The following MYLK3 variants were observed in gnomAD, a reference collection of about 807,000 sequenced individuals.
MYLK3 encodes the protein myosin light chain kinase 3.
In MYLK3, 55 loss-of-function variants were observed where a neutral mutation model predicts 76.3. The observed-to-expected ratio is 0.72, with a 90% confidence interval of 0.58 to 0.90. The LOEUF (loss-of-function observed/expected upper bound fraction) is 0.90, where lower values mean the gene tolerates loss of function less well. MYLK3 is among the 40% of genes least tolerant of loss of function. The pLI is 0.00. For missense variants in MYLK3, 973 were observed against 1,053.6 expected (o/e 0.92, Z 1.06); for synonymous variants, 416 against 425.4 (o/e 0.98, Z 0.27).
chr16:46,747,823 G>T lies in MYLK3; in HGVS notation c.371C>A (p.Ala124Asp), dbSNP rs1967055456. 6.2e-7 allele frequency: 1 copy of T among 1,614,082 alleles called. No homozygotes were observed. Among genetic ancestry groups the T allele is most frequent in the Non-Finnish European group, 8.5e-7 (1 of 1,180,048 alleles). The part of the protein sequence containing the change: ...LFRMVAAVDR[A>D]IALVGATFQK... Reference sequence around the variant, plus strand: ...GAACGTGGCCCCCACCAAAGCGATGGCCCTGTCCACCGCAGCCACCATCCT... The same window carrying T: ...GAACGTGGCCCCCACCAAAGCGATGTCCCTGTCCACCGCAGCCACCATCCT... The change falls in exon 1 of 13, where the codon GCC becomes GAC. Residue 124 changes from alanine to aspartate, a missense_variant. By Grantham distance (126) the Ala-to-Asp change is moderately radical (BLOSUM62 -2). Transcript: ENST00000394809.
At chr16:46,747,140 G>C (rs1204269023) in intron 1 of MYLK3, among the ~76,000 whole-genome samples, 1 of 152,168 alleles carries the variant, frequency 6.6e-6, no homozygotes, top group African/African-American at 2.4e-5. Flanking sequence ...CTGCAGGATT[G>C]ATTATGCAAC....
upstream of MYLK3, among the ~76,000 whole-genome samples, chr16:46,749,699 C>A (rs1284361944): frequency 1.3e-5 from 2 of 152,216 alleles, no homozygotes; most frequent in African/African-American, 2.4e-5. Flanking sequence ...CCTGCCACTA[C>A]ACTCCAGCCT....
intron 3 of MYLK3, among the ~76,000 whole-genome samples, chr16:46,735,422 T>C (rs546214810): frequency 6.6e-6 from 1 of 152,216 alleles, no homozygotes; most frequent in South Asian, 2.1e-4. Context: ...GCCAGGCTGG[T>C]CTTGAACTCT....
chr16:46,727,173 G>A, intron 8 of MYLK3, 63 bp downstream of exon 8: 3 of 1,553,448 alleles, frequency 1.9e-6, no homozygotes, highest in Non-Finnish European at 2.6e-6. Context: ...GCTCTCAATG[G>A]TGAGAGCACG....
At position 46,740,163 on chromosome 16, in the gene MYLK3, T is replaced by C. The variant is rs779512024; in HGVS notation, c.478-16A>G. On this transcript the variant is annotated splice_polypyrimidine_tract_variant and intron_variant, in intron 1 of 12. Coordinates refer to ENST00000394809, the MANE Select transcript of MYLK3 (RefSeq NM_182493.3). ...GCTCTTTATTCTAAAATAACAACCA[T>C]AAAAAATGTCATCATTATCATCAAC... 6.2e-6 allele frequency: 10 copies of C among 1,605,734 alleles called. No individual in the cohort carries two copies. In the African/African-American group the frequency reaches 1.2e-4, roughly 19 times the overall value.
intron 1 of MYLK3, among the ~76,000 whole-genome samples, chr16:46,745,921 G>C (rs1179150220): frequency 6.6e-6 from 1 of 152,144 alleles, no homozygotes; most frequent in Non-Finnish European, 1.5e-5. Context: ...TAGGGGGCCA[G>C]GGTATTGGTG....
chr16:46,738,266 C>G (rs971678142), intron 2 of MYLK3, 123 bp from the exon 3 acceptor site: 1 of 874,596 alleles, frequency 1.1e-6, no homozygotes, highest in Non-Finnish European at 1.7e-6. Flanking sequence ...AGACTGGAAG[C>G]AACCCAAATG....
rs764891090 is a variant in MYLK3 at position 46,748,021 on chromosome 16, C to T, written c.173G>A (p.Gly58Asp). The stretch of plus-strand genomic sequence containing the variant: ...CCTGTGCAGGCCCCGCTCCAGGTGG[C>T]CCATGTCTCGGCACATGCTCTGCAA... ...EKLQSMCRDM[G>D]HLERGLHRLE... is the part of the protein sequence containing the mutation. The change falls in exon 1 of 13, where the codon GGC (glycine) becomes GAC (aspartate). Residue 58 changes from glycine (G) to aspartate (D), a missense_variant. Around this residue, in one of 2 missense-constraint regions of MYLK3, gnomAD observed 641 missense variants for 637.0 expected, o/e 1.01. Transcript: ENST00000394809. The surrounding 1 kb of genome is among the most constrained non-coding windows in gnomAD (Gnocchi z 4.3). The T allele has an allele frequency of 4.3e-6, 7 of 1,613,828 alleles. No homozygotes were observed.
At chr16:46,730,414 T>TC (rs966608650) in intron 5 of MYLK3, among the ~76,000 whole-genome samples, 179 bp downstream of exon 5, 1 of 151,988 alleles carries the variant, frequency 6.6e-6, no homozygotes, top group Non-Finnish European at 1.5e-5. Flanking sequence ...CTATTCTCTT[T>TC]CCCCTACTCT....
intron 7 of MYLK3, among the ~76,000 whole-genome samples, chr16:46,728,695 T>G (rs1567285512): frequency 6.6e-6 from 1 of 152,230 alleles, no homozygotes; most frequent in Non-Finnish European, 1.5e-5. Flanking sequence ...CACTCCAGCC[T>G]GGGTGACAGA....
chr16:46,718,870 G>A (rs1966771504), intron 9 of MYLK3, among the ~76,000 whole-genome samples: 2 of 152,180 alleles, frequency 1.3e-5, no homozygotes, highest in South Asian at 4.1e-4. Context: ...GGAGGCTGAG[G>A]CAGGAAAATT....
In MYLK3 at chr16:46,706,835, CA is replaced by C. The variant is rs1249227445; in HGVS notation, c.*868del. ...AGTTGACTGCAATTCAAACCCTGTT[CA>C]AGGGTCAACTGTACATGTATATAGA... On this transcript the variant is annotated 3_prime_UTR_variant, in exon 13 of 13. Coordinates refer to ENST00000394809, the MANE Select transcript of MYLK3 (RefSeq NM_182493.3). The C allele has an allele frequency of 4.3e-4, 65 of 152,144 alleles. No homozygotes were observed. Among genetic ancestry groups the C allele is most frequent in the Non-Finnish European group, 7.3e-5 (5 of 68,042 alleles). 9.4% of individuals were successfully genotyped at this position (152,144 alleles called of 1,614,324 possible). A position where few individuals can be genotyped will look rare whatever the true frequency, so the allele number is the denominator to read the frequency against.
chr16:46,732,659 G>T lies in MYLK3; in HGVS notation c.1011C>A (p.Ile337=). Residue 337 remains isoleucine, a synonymous_variant, in exon 4 of 13, where the codon ATC becomes ATA. Transcript: ENST00000394809. The part of the protein sequence containing the change: ...SGGETPPRIS[I]HIQEMDTPGE... ...CAGGAGTATCCATCTCTTGTATGTG[G>T]ATGGAGATCCTGGGGTGGAGAGAAA... The T allele has an allele frequency of 6.6e-7, 1 of 1,515,964 alleles. No homozygotes were observed. The highest frequency in any genetic ancestry group is 1.4e-5 in the African/African-American group (1 of 72,486). 93.9% of individuals were successfully genotyped at this position (1,515,964 alleles called of 1,614,324 possible). A position where few individuals can be genotyped will look rare whatever the true frequency, so the allele number is the denominator to read the frequency against.
At position 46,709,685 on chromosome 16, in the gene MYLK3, G is replaced by A; in HGVS notation, c.2268-14C>T. 6.2e-7 allele frequency: 1 copy of A among 1,608,232 alleles called. No individual in the cohort carries two copies. Among genetic ancestry groups the A allele is most frequent in the Non-Finnish European group, 8.5e-7 (1 of 1,178,532 alleles). ...CTCATTCTGCAGCTGTGAAATCAAA[G>A]AGCAGTTAAGACTTTTAGTTGGAGT... On this transcript the variant is annotated splice_polypyrimidine_tract_variant and intron_variant, in intron 11 of 12. Transcript: ENST00000394809.
intron 3 of MYLK3, among the ~76,000 whole-genome samples, chr16:46,735,063 C>T (rs1232358625): frequency 6.6e-6 from 1 of 151,820 alleles, no homozygotes; most frequent in East Asian, 1.9e-4. Context: ...CTCACTTGAG[C>T]CCGAGAAGTG....
intron 9 of MYLK3, among the ~76,000 whole-genome samples, chr16:46,715,035 T>A (rs1251575332): frequency 3.9e-5 from 6 of 152,154 alleles, no homozygotes; most frequent in Non-Finnish European, 8.8e-5. Flanking sequence ...TGGGAAGAGC[T>A]GCACAGTGGC....
rs570758959 is a variant in MYLK3, at chr16:46,704,913, A to G, written c.*2791T>C. 6.6e-6 allele frequency: 1 copy of G among 152,358 alleles called. No homozygotes were observed. The highest frequency in any genetic ancestry group is 2.4e-5 in the African/African-American group (1 of 41,590). 9.4% of individuals were successfully genotyped at this position (152,358 alleles called of 1,614,324 possible). ...TTTTAAAGAAAGATAACTGACATTT[A>G]AAAAATAAGACATTTTACCAAATCA... On this transcript the variant is annotated 3_prime_UTR_variant, in exon 13 of 13. Transcript: ENST00000394809.
rs1442507114 is a variant in MYLK3, at chr16:46,705,973, A to G, written c.*1731T>C. 6.6e-6 allele frequency: 1 copy of G among 152,582 alleles called. No individual in the cohort carries two copies. The highest frequency in any genetic ancestry group is 2.4e-5 in the African/African-American group (1 of 41,402). The allele number at this position is 152,582 out of a possible 1,614,324, so 9.5% of individuals were successfully genotyped here. A position where few individuals can be genotyped will look rare whatever the true frequency, so the allele number is the denominator to read the frequency against. ...GCAACAGAGTGAGACCCTGTCTCAAAAAAAAAAAAAAGTGTTAGTTGCTTG... is the reference window on the plus strand; with the variant it reads ...GCAACAGAGTGAGACCCTGTCTCAAGAAAAAAAAAAAGTGTTAGTTGCTTG... On this transcript the variant is annotated 3_prime_UTR_variant, in exon 13 of 13. Coordinates refer to ENST00000394809, the MANE Select transcript of MYLK3 (RefSeq NM_182493.3).
At chr16:46,749,568 G>C (rs888335840), upstream of MYLK3, among the ~76,000 whole-genome samples, 3 of 152,148 alleles carry the variant, frequency 2.0e-5, no homozygotes, top group Non-Finnish European at 4.4e-5. Context: ...ACCAGCCTGG[G>C]CAACATGGCG....
Sources: gnomAD v4.1 joint callset for allele counts (sites outside exome capture counted in the v4.1 genomes callset) on GRCh38, gnomAD v4.1.1 for gene constraint, gnomAD v4.1.1 regional missense constraint, Gnocchi (gnomAD v3.1) non-coding constraint, MANE v1.5 for transcripts, NCBI Gene and HGNC (gene_info 2026-07-23, HGNC 2026-07-21) for gene names.